KCNIP4: variants seen among roughly 807,000 people sequenced by gnomAD.
The protein encoded by KCNIP4 is potassium voltage-gated channel interacting protein 4.
A neutral mutation model predicts 34.0 loss-of-function variants in KCNIP4; 12 were observed. The ratio of observed to expected loss-of-function variants is 0.35; its 90% CI spans 0.23 to 0.57. The LOEUF is 0.57. Among genes scored for constraint, KCNIP4 ranks in the 20% least tolerant of loss-of-function variants. The pLI is 0.83. For synonymous variants in KCNIP4, 124 were observed against 102.2 expected (o/e 1.21, Z -1.29); for missense variants, 238 against 311.7 (o/e 0.76, Z 1.78).
intron 1 of KCNIP4, among the ~76,000 whole-genome samples, chr4:21,556,480 T>C (rs1739018166): frequency 6.6e-6 from 1 of 152,156 alleles, no homozygotes. Flanking sequence ...GTGATTAGCC[T>C]TCTCAAGGAT....
chr4:21,293,393 C>CA lies in KCNIP4; in HGVS notation c.62-410685dup, dbSNP rs1763655328. 2.0e-5 allele frequency among the ~76,000 whole-genome samples: 3 copies of CA among 152,308 alleles called. No individual in the cohort carries two copies. In the South Asian group the frequency reaches 6.2e-4, roughly 32 times the overall value. Reference sequence around the variant, plus strand: ...TACTCTCTCCACTCAGCCACGCTGTCAATCAGCCCCTGAGACCTTCCTGTA... The same window carrying CA: ...TACTCTCTCCACTCAGCCACGCTGTCAAATCAGCCCCTGAGACCTTCCTGTA... On this transcript the variant is annotated intron_variant, in intron 1 of 8. Transcript: ENST00000382152.
intron 1 of KCNIP4, among the ~76,000 whole-genome samples, chr4:20,885,982 GTTA>G (rs1725262415): frequency 6.6e-6 from 1 of 152,126 alleles, no homozygotes; most frequent in Admixed American, 6.5e-5. Context: ...ATTATGAACA[GTTA>G]TTATAGATGC....
At chr4:21,142,916 G>A (rs1752076050) in intron 1 of KCNIP4, among the ~76,000 whole-genome samples, 1 of 152,098 alleles carries the variant, frequency 6.6e-6, no homozygotes, top group African/African-American at 2.4e-5. Flanking sequence ...TTCTTACTAT[G>A]TTTAGTTCAT....
At chr4:21,279,515 A>G (rs901190219) in intron 1 of KCNIP4, among the ~76,000 whole-genome samples, 3 of 139,422 alleles carry the variant, frequency 2.2e-5, no homozygotes, top group African/African-American at 7.7e-5. Flanking sequence ...ACATACATAT[A>G]CACACACACA....
chr4:21,420,610 C>T (rs966646490), intron 1 of KCNIP4, among the ~76,000 whole-genome samples: 6 of 152,186 alleles, frequency 3.9e-5, no homozygotes, highest in African/African-American at 1.4e-4. Flanking sequence ...TTTCATACAT[C>T]TTTCCCACTC....
intron 1 of KCNIP4, among the ~76,000 whole-genome samples, chr4:21,256,342 C>T (rs1469808980): frequency 6.6e-6 from 1 of 151,464 alleles, no homozygotes; most frequent in Non-Finnish European, 1.5e-5. Flanking sequence ...TTTGGGGAGG[C>T]CCACATTCCG....
At chr4:21,595,357 T>C (rs1184042750) in intron 1 of KCNIP4, among the ~76,000 whole-genome samples, 1 of 152,168 alleles carries the variant, frequency 6.6e-6, no homozygotes, top group Non-Finnish European at 1.5e-5. Flanking sequence ...TTCCACGGTA[T>C]ATATGTGCCA....
chr4:20,875,115 T>C (rs376205969), intron 2 of KCNIP4, among the ~76,000 whole-genome samples: 2 of 151,850 alleles, frequency 1.3e-5, no homozygotes, highest in Admixed American at 6.6e-5. Context: ...AAAAAAAAAC[T>C]CATTCAAGGG....
chr4:21,797,834 T>G (rs565739682), intron 1 of KCNIP4, among the ~76,000 whole-genome samples: 49 of 152,260 alleles, frequency 3.2e-4, no homozygotes, highest in African/African-American at 1.1e-3. Flanking sequence ...TTTGATAGGA[T>G]AGCTGCCAAA....
chr4:21,083,336 C>T (rs1746163517), intron 1 of KCNIP4, among the ~76,000 whole-genome samples: 1 of 151,604 alleles, frequency 6.6e-6, no homozygotes, highest in Non-Finnish European at 1.5e-5. Context: ...TTGCAATAGA[C>T]TAAATCATAG....
chr4:21,480,734 C>T (rs1731350165), intron 1 of KCNIP4, among the ~76,000 whole-genome samples: 1 of 152,050 alleles, frequency 6.6e-6, no homozygotes. Flanking sequence ...ATTAAAGACT[C>T]ATATGTAGAA....
intron 1 of KCNIP4, among the ~76,000 whole-genome samples, chr4:21,779,861 T>C (rs1338587987): frequency 6.6e-6 from 1 of 151,416 alleles, no homozygotes; most frequent in Non-Finnish European, 1.5e-5. Flanking sequence ...AGCCCAAGAG[T>C]TCAAGGCTGC....
chr4:21,385,406 A>T (rs1721932979), intron 1 of KCNIP4, among the ~76,000 whole-genome samples: 1 of 152,138 alleles, frequency 6.6e-6, no homozygotes, highest in Admixed American at 6.6e-5. Flanking sequence ...TAAGAATACA[A>T]AGATGAAGAG....
chr4:20,976,075 C>T (rs1420151188), intron 1 of KCNIP4, among the ~76,000 whole-genome samples: 1 of 152,196 alleles, frequency 6.6e-6, no homozygotes, highest in Admixed American at 6.5e-5. Context: ...GAGAATCAAG[C>T]TCAGCAGGTG....
At chr4:20,795,080 T>C (rs1713274466) in intron 3 of KCNIP4, among the ~76,000 whole-genome samples, 1 of 152,168 alleles carries the variant, frequency 6.6e-6, no homozygotes. Flanking sequence ...CAGTTGATTG[T>C]GGCAAGTTAT....
At chr4:21,284,585 T>C (rs953685706) in intron 1 of KCNIP4, among the ~76,000 whole-genome samples, 3 of 152,134 alleles carry the variant, frequency 2.0e-5, no homozygotes, top group African/African-American at 7.2e-5. Flanking sequence ...GGGGAAGGGA[T>C]AGGAGCTAAG....
chr4:21,382,075 T>C (rs1721560830), intron 1 of KCNIP4, among the ~76,000 whole-genome samples: 1 of 152,192 alleles, frequency 6.6e-6, no homozygotes, highest in South Asian at 2.1e-4. Context: ...TTGTATGACC[T>C]TGGGATGTAT....
At chr4:21,698,983 A>C (rs529258321) in intron 1 of KCNIP4, among the ~76,000 whole-genome samples, 3 of 152,226 alleles carry the variant, frequency 2.0e-5, no homozygotes, top group Non-Finnish European at 4.4e-5. Context: ...AGGAATTTTC[A>C]GAACTTTAAT....
At chr4:21,001,653 T>C (rs1738146854) in intron 1 of KCNIP4, among the ~76,000 whole-genome samples, 1 of 152,170 alleles carries the variant, frequency 6.6e-6, no homozygotes, top group Non-Finnish European at 1.5e-5. Context: ...ATTGAGTGCC[T>C]ACTCTGTTAA....
Sources: gnomAD v4.1 joint callset for allele counts (sites outside exome capture counted in the v4.1 genomes callset) on GRCh38, gnomAD v4.1.1 for gene constraint, MANE v1.5 for transcripts, NCBI Gene and HGNC (gene_info 2026-07-23, HGNC 2026-07-21) for gene names.